Variants in PRXL2C observed in about 807,000 individuals in gnomAD.
The protein encoded by PRXL2C is peroxiredoxin-like 2C.
A neutral mutation model predicts 24.9 loss-of-function variants in PRXL2C; 38 were observed. The ratio of observed to expected loss-of-function variants is 1.53; its 90% CI spans 1.18 to 2.00. The LOEUF is 2.00. Ranked by LOEUF, PRXL2C falls within the 30% of genes most tolerant of loss-of-function variation. The probability of loss-of-function intolerance (pLI) is 0.00; values close to 1 mark genes in which losing one functional copy is unlikely to be tolerated. For missense variants in PRXL2C, 294 were observed against 290.9 expected (o/e 1.01, Z -0.08); for synonymous variants, 98 against 117.2 (o/e 0.84, Z 1.06).
At position 96,645,929 on chromosome 9, in the gene PRXL2C, G is replaced by T; in HGVS notation, c.517C>A (p.Pro173Thr). The change falls in exon 5 of 6, where the codon CCA becomes ACA. Residue 173 changes from proline (P) to threonine (T), a missense_variant. Transcript: ENST00000375234. ...ATGAGGGTTCCACCTTGCTGAGCTG[G>T]GTCTCCTTGAAAATCAAAGAGAGGG... ...TGPLFDFQGD[P>T]AQQGGTLILG... is the part of the protein sequence containing the mutation. 3 of 1,613,462 alleles carry T rather than the reference G, an allele frequency of 1.9e-6. No homozygotes were observed. Among genetic ancestry groups the T allele is most frequent in the Non-Finnish European group, 2.5e-6 (3 of 1,179,866 alleles).
chr9:96,654,661 G>A (rs1456312372), intron 2 of PRXL2C, 44 bp downstream of exon 2: 18 of 1,534,880 alleles, frequency 1.2e-5, no homozygotes, highest in Non-Finnish European at 1.5e-5. Context: ...CGCTCGCAAG[G>A]TCTGCAGAAG....
At chr9:96,649,649 C>A (rs1301003602) in intron 4 of PRXL2C, among the ~76,000 whole-genome samples, 2 of 151,808 alleles carry the variant, frequency 1.3e-5, no homozygotes, top group African/African-American at 2.4e-5. Context: ...GACCCATCCC[C>A]TCCTCTCTAT....
At position 96,644,532 on chromosome 9, in the gene PRXL2C, C is replaced by G. The variant is rs566298271; in HGVS notation, c.553+1361G>C. On this transcript the variant is annotated intron_variant, in intron 5 of 5. Coordinates refer to ENST00000375234, the MANE Select transcript of PRXL2C (RefSeq NM_153698.2). ...GGGAGTTTCCTTCTTGTCACCCAGG[C>G]TGGAGTGCAGTGGCACGATCTGGGC... Among the ~76,000 whole-genome samples, 686 of 152,296 alleles carry G rather than the reference C, an allele frequency of 4.5e-3. 4 individuals are homozygous for G. Among genetic ancestry groups the G allele is most frequent in the Non-Finnish European group, 5.8e-3 (396 of 68,028 alleles).
At chr9:96,654,927 T>C in intron 1 of PRXL2C, 154 bp from the exon 2 acceptor site, 1 of 1,175,020 alleles carries the variant, frequency 8.5e-7, no homozygotes, top group Non-Finnish European at 1.1e-6. Context: ...GAAGCGGGCC[T>C]CGCCCTCGCC....
Position 96,651,722 on chromosome 9 carries a change from A to C in PRXL2C, c.262-10T>G, listed in dbSNP as rs1326710849. 1.3e-5 allele frequency: 21 copies of C among 1,602,950 alleles called. No homozygotes were observed. Among genetic ancestry groups the C allele is most frequent in the Non-Finnish European group, 1.7e-5 (20 of 1,173,348 alleles). ...GGGTGACATTTGCTTCCTTAGGAGA[A>C]AAAAAAGGACATGTATATATCATTA... On this transcript the variant is annotated splice_polypyrimidine_tract_variant and intron_variant, in intron 2 of 5. Transcript: ENST00000375234.
chr9:96,651,397 A>C lies in PRXL2C; in HGVS notation c.414T>G (p.Ala138=). Residue 138 remains alanine, a synonymous_variant, in exon 4 of 6, where the codon GCT becomes GCG. Coordinates refer to ENST00000375234, the MANE Select transcript of PRXL2C (RefSeq NM_153698.2). The part of the protein sequence containing the change: ...RLGMKRGEEI[A]SSGQSPHIKS... ...AGACATGTTATGTCTTACCTGAGGAAGCAATTTCTTCACCTCTTTTCATTC... is the reference window on the plus strand; with the variant it reads ...AGACATGTTATGTCTTACCTGAGGACGCAATTTCTTCACCTCTTTTCATTC... The C allele has an allele frequency of 6.2e-7, 1 of 1,608,218 alleles. No individual in the cohort carries two copies. Among genetic ancestry groups the C allele is most frequent in the East Asian group, 2.2e-5 (1 of 44,838 alleles).
Position 96,651,392 on chromosome 9 carries a change from G to A in PRXL2C, c.419C>T (p.Ser140Leu), listed in dbSNP as rs768610987. Residue 140 changes from serine to leucine, a missense_variant and splice_region_variant, in exon 4 of 6, where the codon TCA (serine) becomes TTA (leucine). Transcript: ENST00000375234. ...ATTTGAGACATGTTATGTCTTACCT[G>A]AGGAAGCAATTTCTTCACCTCTTTT... ...GMKRGEEIAS[S>L]GQSPHIKSNL... The A allele has an allele frequency of 1.2e-6, 2 of 1,605,036 alleles. No homozygotes were observed.
intron 5 of PRXL2C, among the ~76,000 whole-genome samples, chr9:96,644,089 C>T (rs988483076): frequency 3.4e-5 from 5 of 145,936 alleles, no homozygotes; most frequent in African/African-American, 1.0e-4. Context: ...GCCGAGATTA[C>T]ACCACTGCAC....
At chr9:96,653,085 G>A (rs1387145234) in intron 2 of PRXL2C, among the ~76,000 whole-genome samples, 1 of 152,126 alleles carries the variant, frequency 6.6e-6, no homozygotes, top group Non-Finnish European at 1.5e-5. Flanking sequence ...AATTAGCCGG[G>A]CGTGGTGGCG....
At chr9:96,642,737 G>A (rs1848136244) in intron 5 of PRXL2C, among the ~76,000 whole-genome samples, 1 of 151,842 alleles carries the variant, frequency 6.6e-6, no homozygotes, top group Non-Finnish European at 1.5e-5. Flanking sequence ...GTAGAGACGG[G>A]GTTTCACCAG....
At chr9:96,654,672 C>A (rs1339275362) in intron 2 of PRXL2C, 33 bp downstream of exon 2, 1 of 1,547,102 alleles carries the variant, frequency 6.5e-7, no homozygotes, top group Non-Finnish European at 8.7e-7. Flanking sequence ...TCTGCAGAAG[C>A]GGGCACTGGG....
chr9:96,651,451 A>T lies in PRXL2C; in HGVS notation c.360T>A (p.Asp120Glu). 1 of 1,613,302 alleles carries T rather than the reference A, an allele frequency of 6.2e-7. No homozygotes were observed. The highest frequency in any genetic ancestry group is 8.5e-7 in the Non-Finnish European group (1 of 1,179,886). ...ATCTTTTATAAATTTCTCTCTCAGG[A>T]TCGACATAGATTTCATGAGAATATC... ...LTGYSHEIYV[D>E]PEREIYKRLG... The change falls in exon 4 of 6, where the codon GAT becomes GAA. Residue 120 changes from aspartate to glutamate, a missense_variant. Coordinates refer to ENST00000375234, the MANE Select transcript of PRXL2C (RefSeq NM_153698.2).
intron 2 of PRXL2C, 145 bp downstream of exon 2, chr9:96,654,556 TCTCA>T: frequency 1.5e-6 from 1 of 671,688 alleles, no homozygotes; most frequent in South Asian, 1.9e-5. Context: ...ATCTCTGACG[TCTCA>T]CTCCTTTTGG....
At chr9:96,648,201 C>A (rs1172763778) in intron 4 of PRXL2C, among the ~76,000 whole-genome samples, 2 of 152,112 alleles carry the variant, frequency 1.3e-5, no homozygotes, top group African/African-American at 2.4e-5. Flanking sequence ...CGACACCCAG[C>A]CCAAACTCTC....
chr9:96,641,627 C>G lies in PRXL2C; in HGVS notation c.*132G>C, dbSNP rs1369584969. 2 of 877,030 alleles carry G rather than the reference C, an allele frequency of 2.3e-6. No homozygotes were observed. The highest frequency in any genetic ancestry group is 4.3e-5 in the South Asian group (1 of 23,406). 54.3% of individuals were successfully genotyped at this position (877,030 alleles called of 1,614,324 possible). On this transcript the variant is annotated 3_prime_UTR_variant, in exon 6 of 6. Coordinates refer to ENST00000375234, the MANE Select transcript of PRXL2C (RefSeq NM_153698.2). ...CATGCAATTCAACAGGTTCAAGCCC[C>G]CTTTATGCTTCCCTAACTCCTCAAA...
At chr9:96,655,062 T>G in intron 1 of PRXL2C, 28 bp downstream of exon 1, 1 of 1,457,980 alleles carries the variant, frequency 6.9e-7, no homozygotes, top group Non-Finnish European at 9.0e-7. Context: ...TGGGCCGCGC[T>G]TCCCTTCCAG....
chr9:96,647,165 G>T (rs1848209972), intron 4 of PRXL2C, among the ~76,000 whole-genome samples: 1 of 152,148 alleles, frequency 6.6e-6, no homozygotes, highest in African/African-American at 2.4e-5. Context: ...GCTTAGCTGT[G>T]ACAACAGCCA....
intron 5 of PRXL2C, among the ~76,000 whole-genome samples, chr9:96,643,799 A>G (rs766134406): frequency 6.8e-4 from 104 of 152,174 alleles, no homozygotes; most frequent in Non-Finnish European, 1.2e-3. Flanking sequence ...AGCTGCAAAA[A>G]GCCCAAAAAT....
Position 96,645,816 on chromosome 9 carries a change from A to T in PRXL2C, c.553+77T>A, listed in dbSNP as rs894641875. ...CCTCTCGAAAAAAAAAAAAAAGGAA[A>T]AGAAAAGAAAATGGCGGCCTCTGAA... On this transcript the variant is annotated intron_variant, in intron 5 of 5. Transcript: ENST00000375234. 6.8e-6 allele frequency: 10 copies of T among 1,472,886 alleles called. No homozygotes were observed. The African/African-American group carries it at 1.5e-4, about 21-fold the overall frequency. 91.2% of individuals were successfully genotyped at this position (1,472,886 alleles called of 1,614,324 possible).
Sources: allele counts gnomAD v4.1 joint callset (sites outside exome capture counted in the v4.1 genomes callset), GRCh38; gene constraint gnomAD v4.1.1; transcripts MANE v1.5; gene names NCBI Gene and HGNC (gene_info 2026-07-23, HGNC 2026-07-21).